The following PDCD11 variants were observed in gnomAD, a reference collection of about 807,000 sequenced individuals.
PDCD11 encodes programmed cell death 11.
Under a neutral mutation model 198.9 loss-of-function variants are expected in PDCD11, and 97 were observed. The observed-to-expected ratio is 0.49, with a 90% CI of 0.41 to 0.58. The LOEUF is 0.58. Among genes scored for constraint, PDCD11 ranks in the 20% least tolerant of loss-of-function variants. The probability of loss-of-function intolerance (pLI) is 0.00; values close to 1 mark genes in which losing one functional copy is unlikely to be tolerated. For synonymous variants in PDCD11, 893 were observed against 918.0 expected, an observed-to-expected ratio of 0.97 and a Z score of 0.49; for missense variants, 2,102 against 2,312.7, an observed-to-expected ratio of 0.91 and a Z score of 1.87.
Position 103,437,997 on chromosome 10 carries a change from T to C in PDCD11, c.3846-18T>C, listed in dbSNP as rs377239225. 1.2e-6 allele frequency: 2 copies of C among 1,610,352 alleles called. No homozygotes were observed. Among genetic ancestry groups the C allele is most frequent in the Non-Finnish European group, 1.7e-6 (2 of 1,176,880 alleles). ...ATGCTGAAAATTGAGCGTTTCCTTCTCTTTTGCCTTCATTCAGATGTTACA... is the reference window on the plus strand; with the variant it reads ...ATGCTGAAAATTGAGCGTTTCCTTCCCTTTTGCCTTCATTCAGATGTTACA... On this transcript the variant is annotated intron_variant, in intron 25 of 35. Coordinates refer to ENST00000369797, the MANE Select transcript of PDCD11 (RefSeq NM_014976.2).
In PDCD11 at chr10:103,405,148, A is replaced by C. The variant is rs375830038; in HGVS notation, c.529A>C (p.Arg177=). 3.1e-6 allele frequency: 5 copies of C among 1,613,828 alleles called. No homozygotes were observed. The African/African-American group carries it at 6.7e-5, about 22-fold the overall frequency. Reference sequence around the variant, plus strand: ...GTCTCTGAACCCCAAAAATGTCAACAGAGTGCTGAGTGCTGAGGCCCTGAA... The same window carrying C: ...GTCTCTGAACCCCAAAAATGTCAACCGAGTGCTGAGTGCTGAGGCCCTGAA... ...KLSLNPKNVN[R]VLSAEALKPG... is the part of the protein sequence containing the mutation. Residue 177 remains arginine, a synonymous_variant, in exon 5 of 36, where the codon AGA becomes CGA. Transcript: ENST00000369797.
chr10:103,428,174 G>A (rs926278440), intron 21 of PDCD11, among the ~76,000 whole-genome samples: 2 of 152,030 alleles, frequency 1.3e-5, no homozygotes, highest in African/African-American at 4.8e-5. Context: ...GTGTGGTGGC[G>A]GGCGCTTGTA....
chr10:103,405,884 C>A, intron 5 of PDCD11, 101 bp from the exon 6 acceptor site: 1 of 1,270,540 alleles, frequency 7.9e-7, no homozygotes. Context: ...GGGATAGTGG[C>A]AGAGTGTGAG....
chr10:103,441,463 C>G (rs1237900173), intron 30 of PDCD11, among the ~76,000 whole-genome samples: 1 of 152,092 alleles, frequency 6.6e-6, no homozygotes, highest in Non-Finnish European at 1.5e-5. Context: ...CCATGTTGGC[C>G]GGGCTGGTCT....
intron 9 of PDCD11, 83 bp from the exon 10 acceptor site, chr10:103,413,883 T>A: frequency 7.5e-7 from 1 of 1,333,972 alleles, no homozygotes; most frequent in Non-Finnish European, 1.0e-6. Flanking sequence ...TGATAAGTGT[T>A]GAGTCCTCTC....
rs775198762 is a variant in PDCD11 at position 103,422,985 on chromosome 10, CAG to C, written c.2498-1_2498del. On this transcript the variant is annotated splice_acceptor_variant, in intron 17 of 35. Transcript: ENST00000369797. LOFTEE classifies it high-confidence loss of function. ...ATCCGTGTTTCCTTTGGATCTCTGG[CAG>C]ACTCTGTGTTGATCCAGACGCTGGC... 6.6e-7 allele frequency: 1 copy of C among 1,505,248 alleles called. No homozygotes were observed. Among genetic ancestry groups the C allele is most frequent in the Non-Finnish European group, 8.9e-7 (1 of 1,126,652 alleles). 93.2% of individuals were successfully genotyped at this position (1,505,248 alleles called of 1,614,324 possible).
chr10:103,430,624 C>T (rs1175336837), intron 21 of PDCD11, among the ~76,000 whole-genome samples: 1 of 151,238 alleles, frequency 6.6e-6, no homozygotes, highest in South Asian at 2.1e-4. Flanking sequence ...CTCGCCAACA[C>T]TCGTTATTTT....
At position 103,434,762 on chromosome 10, in the gene PDCD11, T is replaced by A. The variant is rs896895666; in HGVS notation, c.3668-36T>A. 3.2e-6 allele frequency: 5 copies of A among 1,572,094 alleles called. No homozygotes were observed. The African/African-American group carries it at 6.8e-5, about 21-fold the overall frequency. ...CATTCCCGCTCCTCCCTTAGCTCAT[T>A]TCCTCTTCCCTGAATCAGGTTGGTT... On this transcript the variant is annotated intron_variant, in intron 24 of 35. Coordinates refer to ENST00000369797, the MANE Select transcript of PDCD11 (RefSeq NM_014976.2).
In PDCD11 at chr10:103,413,328, G is replaced by A. The variant is rs370044248; in HGVS notation, c.1185+6G>A. ...GGGTTCTGGCCTATGCCCGGGTAAG[G>A]AGGCCTCTTTGTTTGGTCAGGGATC... On this transcript the variant is annotated splice_donor_region_variant and intron_variant, in intron 9 of 35. Coordinates refer to ENST00000369797, the MANE Select transcript of PDCD11 (RefSeq NM_014976.2). 2.5e-6 allele frequency: 4 copies of A among 1,612,346 alleles called. No individual in the cohort carries two copies. The highest frequency in any genetic ancestry group is 2.2e-5 in the South Asian group (2 of 91,038).
intron 18 of PDCD11, 107 bp downstream of exon 18, chr10:103,423,244 C>A (rs533077576): frequency 8.3e-7 from 1 of 1,201,426 alleles, no homozygotes. Context: ...TGAGTTGATT[C>A]GGTAGAGATT....
chr10:103,420,570 C>T (rs534235986), intron 16 of PDCD11, among the ~76,000 whole-genome samples: 4 of 152,268 alleles, frequency 2.6e-5, no homozygotes, highest in South Asian at 2.1e-4. Flanking sequence ...TGGAAGACAG[C>T]GAGCAAATGG....
intron 3 of PDCD11, among the ~76,000 whole-genome samples, chr10:103,401,626 G>A (rs986254073): frequency 2.6e-5 from 4 of 152,232 alleles, no homozygotes; most frequent in African/African-American, 9.6e-5. Context: ...AAGAAAAGAA[G>A]TTAAATAACT....
chr10:103,427,701 C>G (rs2031757493), intron 21 of PDCD11, among the ~76,000 whole-genome samples: 1 of 152,156 alleles, frequency 6.6e-6, no homozygotes. Context: ...CAGTAATTCC[C>G]TAAATAAGCA....
chr10:103,400,280 G>A (rs185572877), intron 2 of PDCD11, 117 bp from the exon 3 acceptor site: 7 of 790,002 alleles, frequency 8.9e-6, no homozygotes, highest in Admixed American at 5.2e-5. Flanking sequence ...GTGGGATGGG[G>A]TAGGGTGGAG....
At chr10:103,415,271 G>T in intron 12 of PDCD11, 120 bp downstream of exon 12, 6 of 976,898 alleles carry the variant, frequency 6.1e-6, no homozygotes, top group Non-Finnish European at 9.3e-6. Context: ...GTCTTGTGCT[G>T]TACCTGGCAT....
intron 4 of PDCD11, among the ~76,000 whole-genome samples, chr10:103,404,736 C>G (rs78582096): frequency 6.6e-6 from 1 of 152,198 alleles, no homozygotes; most frequent in African/African-American, 2.4e-5. Flanking sequence ...TGCAGTGAGC[C>G]GAAGAATGAG....
intron 17 of PDCD11, among the ~76,000 whole-genome samples, chr10:103,421,973 CAAAAAAAAA>C (rs964087668): frequency 2.3e-4 from 6 of 26,182 alleles, no homozygotes; most frequent in East Asian, 1.3e-3. Context: ...GACTCCGTCT[CAAAAAAAAA>C]AAAAAAAAAA....
chr10:103,398,609 T>C (rs2093449367), intron 2 of PDCD11, 81 bp downstream of exon 2: 3 of 931,356 alleles, frequency 3.2e-6, no homozygotes, highest in Non-Finnish European at 5.1e-6. Context: ...TATTTGAGAA[T>C]GTGTTATTTT....
intron 25 of PDCD11, among the ~76,000 whole-genome samples, chr10:103,435,770 C>T (rs2032128349): frequency 6.6e-6 from 1 of 152,170 alleles, no homozygotes; most frequent in Admixed American, 6.5e-5. Flanking sequence ...ATCCTGGCCT[C>T]CCAAAGTGGT....
Sources: allele counts gnomAD v4.1 joint callset (sites outside exome capture counted in the v4.1 genomes callset), GRCh38; gene constraint gnomAD v4.1.1; transcripts MANE v1.5; gene names NCBI Gene and HGNC (gene_info 2026-07-23, HGNC 2026-07-21).